The following STAB1 variants were observed in gnomAD, a reference collection of about 807,000 sequenced individuals.
STAB1 encodes the protein stabilin 1.
STAB1 carries 250 observed loss-of-function variants against 332.4 expected under a neutral mutation model. The ratio of observed to expected loss-of-function variants is 0.75; its 90% CI spans 0.68 to 0.84. STAB1 has a LOEUF of 0.84. Among genes scored for constraint, STAB1 ranks in the 40% least tolerant of loss-of-function variants. STAB1 has a pLI of 0.00. For missense variants in STAB1, 3,249 were observed against 3,489.7 expected, an observed-to-expected ratio of 0.93 and a Z score of 1.74; for synonymous variants, 1,475 against 1,390.4, an observed-to-expected ratio of 1.06 and a Z score of -1.35.
In STAB1 at chr3:52,508,379, G is replaced by T; in HGVS notation, c.2235+20G>T. On this transcript the variant is annotated intron_variant, in intron 21 of 68. Coordinates refer to ENST00000321725, the MANE Select transcript of STAB1 (RefSeq NM_015136.3). Reference sequence around the variant, plus strand: ...GGCAATGTGAGTCCCATCCTCTCCTGGGGTGAGGTATGGGGAACACAAGGA... The same window carrying T: ...GGCAATGTGAGTCCCATCCTCTCCTTGGGTGAGGTATGGGGAACACAAGGA... The T allele has an allele frequency of 6.2e-7, 1 of 1,611,144 alleles. No homozygotes were observed. The highest frequency in any genetic ancestry group is 1.1e-5 in the South Asian group (1 of 91,040).
In STAB1 at chr3:52,513,152, C is replaced by T. The variant is rs368984379; in HGVS notation, c.3181C>T (p.Leu1061Phe). Residue 1061 changes from leucine (L) to phenylalanine (F), a missense_variant, in exon 30 of 69, where the codon CTC (leucine) becomes TTC (phenylalanine). Coordinates refer to ENST00000321725, the MANE Select transcript of STAB1 (RefSeq NM_015136.3). ...LVRAHFLQGA[L>F]FEEELARLGG... is the part of the protein sequence containing the mutation. ...CAGGGCCCATTTTCTCCAGGGTGCC[C>T]TCTTCGAGGAGGAGCTGGCCCGGCT... 4.0e-5 allele frequency: 63 copies of T among 1,574,788 alleles called. No individual in the cohort carries two copies. The African/African-American group carries it at 8.2e-4, about 20-fold the overall frequency.
At chr3:52,497,664 C>T (rs777524415) in intron 1 of STAB1, among the ~76,000 whole-genome samples, 3 of 152,010 alleles carry the variant, frequency 2.0e-5, no homozygotes, top group Non-Finnish European at 4.4e-5. Flanking sequence ...CTACCCTCTT[C>T]GGCCTCCCAA....
In STAB1 at chr3:52,512,374, G is replaced by T. The variant is rs900805660; in HGVS notation, c.2917G>T (p.Val973Phe). 2 of 1,612,216 alleles carry T rather than the reference G, an allele frequency of 1.2e-6. No individual in the cohort carries two copies. The highest frequency in any genetic ancestry group is 1.7e-6 in the Non-Finnish European group (2 of 1,179,414). The change falls in exon 27 of 69, where the codon GTC (valine) becomes TTC (phenylalanine). Residue 973 changes from valine (V) to phenylalanine (F), a missense_variant. Physicochemically the swap from Val to Phe is conservative, Grantham distance 50. Coordinates refer to ENST00000321725, the MANE Select transcript of STAB1 (RefSeq NM_015136.3). ...CCGGGCAGTGGGGGGAGGTCAGCGG[G>T]TCTGCACGTGCCCCCCTGGCTTTGG... Reference protein sequence around the residue: ...TCRAVGGGQRVCTCPPGFGGD... With the variant: ...TCRAVGGGQRFCTCPPGFGGD...
intron 20 of STAB1, 107 bp downstream of exon 20, chr3:52,508,133 G>A: frequency 1.5e-6 from 2 of 1,367,450 alleles, no homozygotes; most frequent in Non-Finnish European, 2.0e-6. Context: ...AGGATGCACT[G>A]CAGCCTGACG....
At chr3:52,507,724 G>A in intron 19 of STAB1, 49 bp downstream of exon 19, 1 of 1,610,402 alleles carries the variant, frequency 6.2e-7, no homozygotes, top group South Asian at 1.1e-5. Context: ...TGCCTGTTGA[G>A]GTTTCTGCCC....
At chr3:52,510,966 C>A (rs1322370741) in intron 25 of STAB1, among the ~76,000 whole-genome samples, 1 of 152,242 alleles carries the variant, frequency 6.6e-6, no homozygotes, top group Non-Finnish European at 1.5e-5. Context: ...GGAGGCCAGG[C>A]CTGGCTGGTC....
At chr3:52,512,688 G>T in intron 28 of STAB1, 45 bp downstream of exon 28, 1 of 1,612,630 alleles carries the variant, frequency 6.2e-7, no homozygotes, top group Non-Finnish European at 8.5e-7. Flanking sequence ...AAATCCAGGA[G>T]GCCTGCCTGG....
At chr3:52,497,094 C>T (rs1379191165) in intron 1 of STAB1, among the ~76,000 whole-genome samples, 1 of 152,212 alleles carries the variant, frequency 6.6e-6, no homozygotes, top group Non-Finnish European at 1.5e-5. Flanking sequence ...CTCCACCTCC[C>T]AGGTTCAAGC....
At chr3:52,517,468 C>G in intron 43 of STAB1, 75 bp downstream of exon 43, 1 of 1,580,774 alleles carries the variant, frequency 6.3e-7, no homozygotes, top group South Asian at 1.2e-5. Context: ...AGGGCAGGCC[C>G]GGGGAGGGGG....
intron 12 of STAB1, 25 bp from the exon 13 acceptor site, chr3:52,504,978 G>A: frequency 3.1e-6 from 5 of 1,613,354 alleles, no homozygotes; most frequent in Non-Finnish European, 4.2e-6. Flanking sequence ...TATGGGATCT[G>A]GCCAGACCTC....
In STAB1 at chr3:52,521,711, C is replaced by A; in HGVS notation, c.6163+11C>A. On this transcript the variant is annotated intron_variant, in intron 57 of 68. Transcript: ENST00000321725. ...GTGAGGTGCAACTGGGTGAGTAGCC[C>A]CGTGCTCGTGCCCACCCTACACACT... is the stretch of plus-strand genomic sequence containing the variant. The A allele has an allele frequency of 6.2e-7, 1 of 1,612,082 alleles. No homozygotes were observed. The highest frequency in any genetic ancestry group is 2.2e-5 in the East Asian group (1 of 44,836).
At chr3:52,501,922 C>G in intron 3 of STAB1, 84 bp from the exon 4 acceptor site, 1 of 1,544,346 alleles carries the variant, frequency 6.5e-7, no homozygotes, top group Non-Finnish European at 8.9e-7. Flanking sequence ...GGGGAGGGGC[C>G]GAGTCTGGGG....
intron 60 of STAB1, 22 bp downstream of exon 60, chr3:52,522,496 C>T (rs774644433): frequency 1.9e-6 from 3 of 1,613,126 alleles, no homozygotes; most frequent in Admixed American, 3.3e-5. Context: ...TGCCCACTCC[C>T]AGTACCCATT....
chr3:52,522,302 G>T (rs1046470022), intron 59 of STAB1, 28 bp from the exon 60 acceptor site: 1 of 1,612,246 alleles, frequency 6.2e-7, no homozygotes, highest in African/African-American at 1.3e-5. Flanking sequence ...GAAGGGTGAA[G>T]GGCGCCCACT....
intron 1 of STAB1, among the ~76,000 whole-genome samples, chr3:52,496,020 C>T (rs1413513660): frequency 1.3e-5 from 2 of 152,250 alleles, no homozygotes; most frequent in African/African-American, 2.4e-5. Context: ...AGAGCAGCCA[C>T]AGCCCCGGGC....
intron 7 of STAB1, 57 bp from the exon 8 acceptor site, chr3:52,503,287 G>T: frequency 6.4e-7 from 1 of 1,553,164 alleles, no homozygotes; most frequent in South Asian, 1.2e-5. Flanking sequence ...GAAAGCTGTG[G>T]CGGAGACAGG....
chr3:52,514,967 G>A (rs1559703022), intron 35 of STAB1, 22 bp from the exon 36 acceptor site: 1 of 1,613,300 alleles, frequency 6.2e-7, no homozygotes. Context: ...ACTGCCTGAT[G>A]CCCCACCCTT....
chr3:52,523,996 C>CTT lies in STAB1; in HGVS notation c.7523_7524dup (p.Gly2509LeufsTer92), dbSNP rs745922844. On this transcript the variant is annotated frameshift_variant, in exon 67 of 69. Coordinates refer to ENST00000321725, the MANE Select transcript of STAB1 (RefSeq NM_015136.3). LOFTEE classifies it high-confidence loss of function. Reference sequence around the variant, plus strand: ...TCCGTGCCCGAGGCAAGCCCATGGGCTTTGGCTTCTCTGCCTTCCAGGTAG... The same window carrying CTT: ...TCCGTGCCCGAGGCAAGCCCATGGGCTTTTTGGCTTCTCTGCCTTCCAGGTAG... 6.2e-7 allele frequency: 1 copy of CTT among 1,612,150 alleles called. No individual in the cohort carries two copies. Among genetic ancestry groups the CTT allele is most frequent in the Non-Finnish European group, 8.5e-7 (1 of 1,179,830 alleles).
rs778153702 is a variant in STAB1, at chr3:52,507,666, T to C, written c.2043T>C (p.Ser681=). ...ALNTSTCPPN[S]VKLDIFPKEC... ...ACACCAGCACGTGTCCCCCCAACAG[T>C]GTGAAGCTGGTGAGCACACCTTGGC... The change falls in exon 19 of 69, where the codon AGT becomes AGC. Residue 681 remains serine (S), a synonymous_variant. Coordinates refer to ENST00000321725, the MANE Select transcript of STAB1 (RefSeq NM_015136.3). 17 of 1,613,488 alleles carry C rather than the reference T, an allele frequency of 1.1e-5. No homozygotes were observed. The South Asian group carries it at 1.6e-4, about 16-fold the overall frequency.
Sources: gnomAD v4.1 joint callset for allele counts (sites outside exome capture counted in the v4.1 genomes callset) on GRCh38, gnomAD v4.1.1 for gene constraint, MANE v1.5 for transcripts, NCBI Gene and HGNC (gene_info 2026-07-23, HGNC 2026-07-21) for gene names.